Variants in CCNG2 observed in about 807,000 individuals in gnomAD.
CCNG2 encodes the protein cyclin G2.
A neutral mutation model predicts 36.5 loss-of-function variants in CCNG2; 20 were observed. The ratio of observed to expected loss-of-function variants is 0.55; its 90% CI spans 0.39 to 0.80. CCNG2 has a LOEUF of 0.80. CCNG2 is among the 30% of genes least tolerant of loss of function. The probability of loss-of-function intolerance (pLI) is 0.00; values close to 1 mark genes in which losing one functional copy is unlikely to be tolerated. For synonymous variants in CCNG2, 155 were observed against 140.1 expected (o/e 1.11, Z -0.75); for missense variants, 358 against 390.8 (o/e 0.92, Z 0.71).
chr4:77,161,596 T>G, intron 5 of CCNG2, 38 bp downstream of exon 5: 1 of 1,574,668 alleles, frequency 6.4e-7, no homozygotes, highest in Non-Finnish European at 8.6e-7. Context: ...ATCTCACAGT[T>G]TGTATTTTGA....
At chr4:77,164,251 C>G in intron 6 of CCNG2, 23 bp from the exon 7 acceptor site, 1 of 1,585,078 alleles carries the variant, frequency 6.3e-7, no homozygotes, top group Non-Finnish European at 8.7e-7. Context: ...TTGCCGTAAC[C>G]TCTTAAAATA....
chr4:77,161,760 A>C lies in CCNG2; in HGVS notation c.705+13A>C. ...AAAACATTCCAAGGTAATTACAGTC[A>C]TTATTCTTTAAGGCAAATTTTTTTC... On this transcript the variant is annotated intron_variant, in intron 6 of 7. Coordinates refer to ENST00000316355, the MANE Select transcript of CCNG2 (RefSeq NM_004354.3). The C allele has an allele frequency of 6.5e-7, 1 of 1,540,414 alleles. No homozygotes were observed. Among genetic ancestry groups the C allele is most frequent in the Non-Finnish European group, 8.8e-7 (1 of 1,132,708 alleles).
At chr4:77,165,617 A>G (rs763679342) in intron 7 of CCNG2, among the ~76,000 whole-genome samples, 184 bp from the exon 8 acceptor site, 2 of 152,130 alleles carry the variant, frequency 1.3e-5, no homozygotes, top group Admixed American at 6.6e-5. Context: ...CAAAAAATCT[A>G]TATTTTCCAA....
Position 77,161,874 on chromosome 4 carries a change from C to A in CCNG2, c.705+127C>A. 4.8e-6 allele frequency: 3 copies of A among 630,104 alleles called. No individual in the cohort carries two copies. In the South Asian group the frequency reaches 6.3e-5, roughly 13 times the overall value. 39.0% of individuals were successfully genotyped at this position (630,104 alleles called of 1,614,324 possible). On this transcript the variant is annotated intron_variant, in intron 6 of 7. Transcript: ENST00000316355. ...TTTACACTTGTTTTTTTTCTTATAT[C>A]TCTAGTGTTAAAGTTCTCAAAATGC...
At position 77,169,131 on chromosome 4, in the gene CCNG2, A is replaced by T. The variant is rs1731704277; in HGVS notation, c.*3207A>T. 1.3e-5 allele frequency: 2 copies of T among 152,196 alleles called. No individual in the cohort carries two copies. Among genetic ancestry groups the T allele is most frequent in the Admixed American group, 1.3e-4 (2 of 15,280 alleles). The allele number at this position is 152,196 out of a possible 1,614,324, so 9.4% of individuals were successfully genotyped here. A position where few individuals can be genotyped will look rare whatever the true frequency, so the allele number is the denominator to read the frequency against. On this transcript the variant is annotated 3_prime_UTR_variant, in exon 8 of 8. Coordinates refer to ENST00000316355, the MANE Select transcript of CCNG2 (RefSeq NM_004354.3). ...AACTGTAGAGAGGCATTGGCTTCAG[A>T]ACACTCCTCGTGACAATTTTAACCA...
intron 6 of CCNG2, among the ~76,000 whole-genome samples, chr4:77,163,233 T>TC (rs1200539317): frequency 6.6e-6 from 1 of 152,010 alleles, no homozygotes; most frequent in African/African-American, 2.4e-5. Flanking sequence ...CGTTGGCCTT[T>TC]CCCCCCAACA....
intron 5 of CCNG2, 27 bp downstream of exon 5, chr4:77,161,585 T>C (rs747905555): frequency 2.5e-6 from 4 of 1,577,602 alleles, no homozygotes; most frequent in South Asian, 1.2e-5. Flanking sequence ...CTTATGTATA[T>C]ATCTCACAGT....
rs549143590 is a variant in CCNG2, at chr4:77,166,583, A to T, written c.*659A>T. Reference sequence around the variant, plus strand: ...GCTAGGGCTCTTAGTTTTCATTCCTATTGCCCAAGTATTGTCAAACTATGG... The same window carrying T: ...GCTAGGGCTCTTAGTTTTCATTCCTTTTGCCCAAGTATTGTCAAACTATGG... On this transcript the variant is annotated 3_prime_UTR_variant, in exon 8 of 8. Coordinates refer to ENST00000316355, the MANE Select transcript of CCNG2 (RefSeq NM_004354.3). 3.3e-5 allele frequency: 5 copies of T among 152,180 alleles called. No individual in the cohort carries two copies. Among genetic ancestry groups the T allele is most frequent in the African/African-American group, 1.2e-4 (5 of 41,442 alleles). 9.4% of individuals were successfully genotyped at this position (152,180 alleles called of 1,614,324 possible).
At chr4:77,158,481 C>T in intron 1 of CCNG2, 52 bp from the exon 2 acceptor site, 1 of 1,602,946 alleles carries the variant, frequency 6.2e-7, no homozygotes, top group Non-Finnish European at 8.5e-7. Flanking sequence ...CTCCCGCTTC[C>T]CCACCCCTCT....
Position 77,165,783 on chromosome 4 carries a change from G to A in CCNG2, c.912-18G>A. Reference sequence around the variant, plus strand: ...TTAAGTAATGGTATCCTCTTTTTTTGTCTCTTTTTCTCTTTAGTGAGGACT... The same window carrying A: ...TTAAGTAATGGTATCCTCTTTTTTTATCTCTTTTTCTCTTTAGTGAGGACT... On this transcript the variant is annotated intron_variant, in intron 7 of 7. Transcript: ENST00000316355. 4 of 1,525,692 alleles carry A rather than the reference G, an allele frequency of 2.6e-6. No homozygotes were observed. The highest frequency in any genetic ancestry group is 3.5e-6 in the Non-Finnish European group (4 of 1,138,760). The allele number at this position is 1,525,692 out of a possible 1,614,324, so 94.5% of individuals were successfully genotyped here.
intron 1 of CCNG2, 59 bp from the exon 2 acceptor site, chr4:77,158,474 C>G: frequency 6.3e-7 from 1 of 1,589,496 alleles, no homozygotes. Context: ...GCCCTTTCTC[C>G]CGCTTCCCCA....
In CCNG2 at chr4:77,163,258, A is replaced by T. The variant is rs114033910; in HGVS notation, c.706-1016A>T. 4.7e-3 allele frequency among the ~76,000 whole-genome samples: 710 copies of T among 152,226 alleles called. 5 individuals are homozygous for T. The highest frequency in any genetic ancestry group is 0.017 in the African/African-American group (688 of 41,534). ...TCCCCCCAACATTAGGAGCCAAGTG[A>T]AGAAAGGTACATCCCCACAAGTAGA... is the stretch of plus-strand genomic sequence containing the variant. On this transcript the variant is annotated intron_variant, in intron 6 of 7. Coordinates refer to ENST00000316355, the MANE Select transcript of CCNG2 (RefSeq NM_004354.3).
Position 77,167,852 on chromosome 4 carries a change from ATAATAT to A in CCNG2, c.*1931_*1936del, listed in dbSNP as rs1255563534. 6.6e-6 allele frequency: 1 copy of A among 152,206 alleles called. No homozygotes were observed. The highest frequency in any genetic ancestry group is 1.5e-5 in the Non-Finnish European group (1 of 68,046). 9.4% of individuals were successfully genotyped at this position (152,206 alleles called of 1,614,324 possible). On this transcript the variant is annotated 3_prime_UTR_variant, in exon 8 of 8. Transcript: ENST00000316355. Reference sequence around the variant, plus strand: ...AGGATGACCTTTCCTCTCTTACTAAATAATATTAGTAAATAGTGGGCAATATATTCT... The same window carrying A: ...AGGATGACCTTTCCTCTCTTACTAAATAGTAAATAGTGGGCAATATATTCT...
intron 6 of CCNG2, among the ~76,000 whole-genome samples, chr4:77,163,224 G>A (rs1023544302): frequency 2.0e-5 from 3 of 152,242 alleles, no homozygotes; most frequent in East Asian, 1.9e-4. Flanking sequence ...GGTTTTCAGC[G>A]TTGGCCTTTC....
intron 1 of CCNG2, 133 bp from the exon 2 acceptor site, chr4:77,158,399 TG>T: frequency 1.2e-6 from 1 of 811,076 alleles, no homozygotes; most frequent in Non-Finnish European, 2.0e-6. Flanking sequence ...CGGACGTGAC[TG>T]GTCCCTTCAC....
chr4:77,157,429 C>G lies in CCNG2; in HGVS notation c.-78C>G, dbSNP rs1453051944. 1 of 152,334 alleles carries G rather than the reference C, an allele frequency of 6.6e-6. No homozygotes were observed. The highest frequency in any genetic ancestry group is 1.5e-5 in the Non-Finnish European group (1 of 68,158). The allele number at this position is 152,334 out of a possible 1,614,324, so 9.4% of individuals were successfully genotyped here. ...GGCGGTGGGTCCCCGACCTGCGAGA[C>G]AGGTTTGGAAGCCCCCGCTGCGCCC... is the stretch of plus-strand genomic sequence containing the variant. On this transcript the variant is annotated 5_prime_UTR_variant, in exon 1 of 8. Coordinates refer to ENST00000316355, the MANE Select transcript of CCNG2 (RefSeq NM_004354.3).
chr4:77,165,498 G>T (rs888580677), intron 7 of CCNG2, among the ~76,000 whole-genome samples: 26 of 151,534 alleles, frequency 1.7e-4, no homozygotes, highest in African/African-American at 5.8e-4. Flanking sequence ...GTAGAGATGG[G>T]ATTTTGCCAT....
Position 77,169,137 on chromosome 4 carries a change from C to G in CCNG2, c.*3213C>G, listed in dbSNP as rs906190721. 6.6e-6 allele frequency: 1 copy of G among 152,164 alleles called. No homozygotes were observed. The highest frequency in any genetic ancestry group is 2.4e-5 in the African/African-American group (1 of 41,436). The allele number at this position is 152,164 out of a possible 1,614,324, so 9.4% of individuals were successfully genotyped here. ...AGAGAGGCATTGGCTTCAGAACACT[C>G]CTCGTGACAATTTTAACCATTTTCT... On this transcript the variant is annotated 3_prime_UTR_variant, in exon 8 of 8. Transcript: ENST00000316355.
intron 7 of CCNG2, among the ~76,000 whole-genome samples, chr4:77,165,452 C>T (rs535036030): frequency 9.3e-5 from 14 of 150,910 alleles, no homozygotes; most frequent in Admixed American, 4.6e-4. Context: ...TTGCATGTGC[C>T]ACCATGCCCA....
Sources: gnomAD v4.1 joint callset for allele counts (sites outside exome capture counted in the v4.1 genomes callset) on GRCh38, gnomAD v4.1.1 for gene constraint, MANE v1.5 for transcripts, NCBI Gene and HGNC (gene_info 2026-07-23, HGNC 2026-07-21) for gene names.